The following PXDNL variants were observed in gnomAD, a reference collection of about 807,000 sequenced individuals.
PXDNL encodes the protein peroxidasin like, also known as probable oxidoreductase PXDNL.
PXDNL carries 145 observed loss-of-function variants against 150.8 expected under a neutral mutation model. The ratio of observed to expected loss-of-function variants is 0.96; its 90% CI spans 0.84 to 1.10. The LOEUF (loss-of-function observed/expected upper bound fraction) is 1.10. PXDNL is among the 50% of genes least tolerant of loss of function. PXDNL has a pLI of 0.00. For missense variants in PXDNL, 2,087 were observed against 1,873.9 expected (o/e 1.11, Z -2.10); for synonymous variants, 757 against 725.7 (o/e 1.04, Z -0.69).
intron 5 of PXDNL, among the ~76,000 whole-genome samples, chr8:51,498,762 C>G (rs1305629338): frequency 1.3e-5 from 2 of 152,310 alleles, no homozygotes; most frequent in East Asian, 3.9e-4. Context: ...AAGGTAAGCA[C>G]CATTCAACTT....
intron 19 of PXDNL, among the ~76,000 whole-genome samples, chr8:51,352,760 T>C (rs1289102034): frequency 6.6e-6 from 1 of 152,206 alleles, no homozygotes; most frequent in African/African-American, 2.4e-5. Flanking sequence ...TACAATGGAA[T>C]AATACTCAGC....
intron 12 of PXDNL, among the ~76,000 whole-genome samples, chr8:51,438,812 G>A (rs901065533): frequency 4.6e-5 from 7 of 152,106 alleles, no homozygotes; most frequent in South Asian, 2.1e-4. Context: ...AAACAAAAAC[G>A]TAAAGTGGGG....
chr8:51,767,849 T>C (rs976811811), intron 1 of PXDNL, among the ~76,000 whole-genome samples: 1 of 152,244 alleles, frequency 6.6e-6, no homozygotes, highest in African/African-American at 2.4e-5. Flanking sequence ...TGCTGATGTT[T>C]TCAACCAAAG....
chr8:51,608,042 A>C (rs1274148210), intron 2 of PXDNL, among the ~76,000 whole-genome samples: 10 of 132,962 alleles, frequency 7.5e-5, no homozygotes, highest in African/African-American at 2.7e-4. Flanking sequence ...AGAAAGAAAG[A>C]AAGAAAGAAA....
chr8:51,774,826 T>A (rs1430602396), intron 1 of PXDNL, among the ~76,000 whole-genome samples: 1 of 151,982 alleles, frequency 6.6e-6, no homozygotes, highest in Non-Finnish European at 1.5e-5. Context: ...TCAAAAACAA[T>A]AATAAAAATA....
chr8:51,431,161 T>C (rs191388313), intron 12 of PXDNL, among the ~76,000 whole-genome samples: 42 of 152,290 alleles, frequency 2.8e-4, no homozygotes, highest in Non-Finnish European at 3.8e-4. Flanking sequence ...ATTGGATCAT[T>C]AGAGTTGCAA....
At chr8:51,478,579 G>A (rs769473003) in intron 6 of PXDNL, among the ~76,000 whole-genome samples, 10 of 152,196 alleles carry the variant, frequency 6.6e-5, no homozygotes, top group Non-Finnish European at 8.8e-5. Flanking sequence ...TCATGAGTTA[G>A]AAATGGCATG....
intron 3 of PXDNL, among the ~76,000 whole-genome samples, chr8:51,557,682 G>C (rs1481470462): frequency 6.6e-6 from 1 of 152,042 alleles, no homozygotes; most frequent in Non-Finnish European, 1.5e-5. Flanking sequence ...ATCACCTGGT[G>C]GTTTGTTAAA....
chr8:51,327,486 A>G (rs1269477712), intron 21 of PXDNL, among the ~76,000 whole-genome samples: 3 of 152,188 alleles, frequency 2.0e-5, no homozygotes, highest in African/African-American at 7.2e-5. Flanking sequence ...ATGCAAAATT[A>G]AAAGGGTAAT....
rs10531050 is a variant in PXDNL, at chr8:51,621,448, CTGTGTGTG to C, written c.237-28758_237-28751del. Among the ~76,000 whole-genome samples the C allele has an allele frequency of 6.8e-3, 968 of 142,228 alleles. 6 individuals are homozygous for C. The highest frequency in any genetic ancestry group is 0.019 in the African/African-American group (743 of 39,898). 93.3% of individuals were successfully genotyped at this position (142,228 alleles called of 152,430 possible). A position where few individuals can be genotyped will look rare whatever the true frequency, so the allele number is the denominator to read the frequency against. On this transcript the variant is annotated intron_variant, in intron 2 of 22. Transcript: ENST00000356297. ...TACAAAAGAATGAGTGTGTGTGTGTCTGTGTGTGTGTGTGTGTGTGTGTGTGTGTGTGT... is the reference window on the plus strand; with the variant it reads ...TACAAAAGAATGAGTGTGTGTGTGTCTGTGTGTGTGTGTGTGTGTGTGTGT...
intron 4 of PXDNL, among the ~76,000 whole-genome samples, chr8:51,547,853 A>G (rs1437401316): frequency 2.0e-5 from 3 of 152,212 alleles, no homozygotes; most frequent in African/African-American, 7.2e-5. Context: ...AAATCTCTGA[A>G]TTGCCAGATA....
chr8:51,644,299 C>T (rs1422957830), intron 2 of PXDNL, among the ~76,000 whole-genome samples: 1 of 123,086 alleles, frequency 8.1e-6, no homozygotes, highest in African/African-American at 2.7e-5. Flanking sequence ...TATATAAACC[C>T]TGTAGCAAAG....
chr8:51,382,755 G>A (rs17263233), intron 17 of PXDNL, among the ~76,000 whole-genome samples: 68 of 152,114 alleles, frequency 4.5e-4, no homozygotes, highest in Middle Eastern at 3.4e-3. Context: ...CAGAATATGA[G>A]AAATAATAAT....
At chr8:51,362,523 C>CATAA (rs1806786543) in intron 19 of PXDNL, among the ~76,000 whole-genome samples, 1 of 152,178 alleles carries the variant, frequency 6.6e-6, no homozygotes, top group African/African-American at 2.4e-5. Flanking sequence ...ACAAGTCAAA[C>CATAA]CTTTTTTAAA....
At chr8:51,520,366 G>A (rs1811635093) in intron 4 of PXDNL, among the ~76,000 whole-genome samples, 1 of 152,146 alleles carries the variant, frequency 6.6e-6, no homozygotes, top group South Asian at 2.1e-4. Context: ...TGAATATGTG[G>A]ACTGGAACCT....
At chr8:51,608,164 C>T (rs1457385779) in intron 2 of PXDNL, among the ~76,000 whole-genome samples, 56 of 148,108 alleles carry the variant, frequency 3.8e-4, no homozygotes, top group Admixed American at 8.0e-4. Context: ...CCGAGGTGGG[C>T]AGATCATGAG....
chr8:51,631,888 A>G (rs1814495628), intron 2 of PXDNL, among the ~76,000 whole-genome samples: 1 of 152,134 alleles, frequency 6.6e-6, no homozygotes, highest in African/African-American at 2.4e-5. Flanking sequence ...AAAATAGTAA[A>G]ATAAAAAATT....
chr8:51,655,140 T>C (rs988712021), intron 1 of PXDNL, among the ~76,000 whole-genome samples: 2 of 152,218 alleles, frequency 1.3e-5, no homozygotes, highest in South Asian at 4.1e-4. Flanking sequence ...ATATATTAGA[T>C]GTCACATATC....
At chr8:51,719,253 T>A (rs1451327323) in intron 1 of PXDNL, among the ~76,000 whole-genome samples, 3 of 152,330 alleles carry the variant, frequency 2.0e-5, no homozygotes, top group African/African-American at 7.2e-5. Flanking sequence ...TGTGTCTGTG[T>A]AGAAAGAAGT....
Sources: allele counts gnomAD v4.1 joint callset (sites outside exome capture counted in the v4.1 genomes callset), GRCh38; gene constraint gnomAD v4.1.1; transcripts MANE v1.5; gene names NCBI Gene and HGNC (gene_info 2026-07-23, HGNC 2026-07-21).